The following DSCAML1 variants were observed in gnomAD, a reference collection of about 807,000 sequenced individuals.
The protein encoded by DSCAML1 is DS cell adhesion molecule like 1.
In DSCAML1, 38 loss-of-function variants were observed where a neutral mutation model predicts 200.5. That is an observed-to-expected ratio of 0.19 (90% confidence interval 0.15 to 0.25). The LOEUF (loss-of-function observed/expected upper bound fraction) is 0.25, where lower values mean the gene tolerates loss of function less well. Ranked by LOEUF, DSCAML1 falls within the 10% of genes least tolerant of loss-of-function variation. The pLI, the probability that DSCAML1 is intolerant of heterozygous loss-of-function variation, is 1.00. For missense variants in DSCAML1, 2,223 were observed against 2,858.8 expected, an observed-to-expected ratio of 0.78 and a Z score of 5.07; for synonymous variants, 1,215 against 1,165.0, an observed-to-expected ratio of 1.04 and a Z score of -0.87.
At chr11:117,626,095 T>C (rs1016309517) in intron 3 of DSCAML1, among the ~76,000 whole-genome samples, 10 of 152,180 alleles carry the variant, frequency 6.6e-5, no homozygotes, top group African/African-American at 2.2e-4. Flanking sequence ...TATCTGGAGC[T>C]GAGCTCTGGG....
intron 3 of DSCAML1, among the ~76,000 whole-genome samples, chr11:117,645,002 C>T (rs1245765581): frequency 1.3e-5 from 2 of 152,352 alleles, no homozygotes; most frequent in East Asian, 3.9e-4. Context: ...TGGGAACCCC[C>T]GGTGTGGGGC....
intron 3 of DSCAML1, among the ~76,000 whole-genome samples, chr11:117,596,387 G>GAAAAAAA (rs576749301): frequency 1.4e-5 from 2 of 138,548 alleles, no homozygotes; most frequent in Non-Finnish European, 1.6e-5. Flanking sequence ...TTCTTCTCAG[G>GAAAAAAA]AAAAAAAAAA....
chr11:117,809,895 C>A (rs868834197), intron 1 of DSCAML1, among the ~76,000 whole-genome samples: 18 of 149,316 alleles, frequency 1.2e-4, no homozygotes, highest in South Asian at 4.2e-4. Flanking sequence ...ACACACACAC[C>A]CACACACTCA....
At chr11:117,561,506 T>A (rs2050662668) in intron 3 of DSCAML1, among the ~76,000 whole-genome samples, 1 of 152,166 alleles carries the variant, frequency 6.6e-6, no homozygotes, top group Non-Finnish European at 1.5e-5. Context: ...TCCAGTCATG[T>A]CTCCAAGCAT....
chr11:117,551,470 C>T (rs530269327), intron 3 of DSCAML1, among the ~76,000 whole-genome samples: 1 of 152,294 alleles, frequency 6.6e-6, no homozygotes, highest in East Asian at 1.9e-4. Context: ...AGGTCCAGAG[C>T]TCAGCCCTCT....
rs77170212 is a variant in DSCAML1, at chr11:117,775,118, T to C, written c.511+1673A>G. Among the ~76,000 whole-genome samples the C allele has an allele frequency of 8.5e-3, 1,295 of 152,338 alleles. 9 individuals carry two copies. Among genetic ancestry groups the C allele is most frequent in the Non-Finnish European group, 0.015 (992 of 68,032 alleles). ...AGGCAGGAGATTGTCCCCAACATTA[T>C]TGGGGCTTCTCCCAGGGTATGCCAA... On this transcript the variant is annotated intron_variant, in intron 3 of 32. Coordinates refer to ENST00000651296, the MANE Select transcript of DSCAML1 (RefSeq NM_020693.4).
chr11:117,486,762 C>T (rs2049077382), intron 11 of DSCAML1, among the ~76,000 whole-genome samples: 1 of 151,940 alleles, frequency 6.6e-6, no homozygotes, highest in Non-Finnish European at 1.5e-5. Flanking sequence ...AGATGAAGAC[C>T]TGTTCTACTG....
intron 3 of DSCAML1, among the ~76,000 whole-genome samples, chr11:117,565,911 C>T (rs2050747708): frequency 6.6e-6 from 1 of 152,206 alleles, no homozygotes; most frequent in Non-Finnish European, 1.5e-5. Context: ...ACAGCAGGCT[C>T]ATTCTGAGAT....
At chr11:117,716,751 A>G (rs185034213) in intron 3 of DSCAML1, among the ~76,000 whole-genome samples, 32 of 152,332 alleles carry the variant, frequency 2.1e-4, no homozygotes, top group Non-Finnish European at 4.3e-4. Context: ...ATTTCATGAC[A>G]CATTAAAATT....
rs1284769518 is a variant in DSCAML1 at position 117,461,391 on chromosome 11, A to G, written c.3412+59T>C. 6 of 1,608,578 alleles carry G rather than the reference A, an allele frequency of 3.7e-6. No individual in the cohort carries two copies. The Admixed American group carries it at 8.4e-5, about 22-fold the overall frequency. ...CTCAGCTCTAACTACGCCTGGAAGC[A>G]GACTCCACTGACCTGCGCCTCTCCC... On this transcript the variant is annotated intron_variant, in intron 18 of 32. Coordinates refer to ENST00000651296, the MANE Select transcript of DSCAML1 (RefSeq NM_020693.4).
In DSCAML1 at chr11:117,518,533, GC is replaced by G; in HGVS notation, c.1442del (p.Gly481AlafsTer20). The G allele has an allele frequency of 6.2e-7, 1 of 1,614,150 alleles. No homozygotes were observed. Among genetic ancestry groups the G allele is most frequent in the Non-Finnish European group, 8.5e-7 (1 of 1,180,036 alleles). On this transcript the variant is annotated frameshift_variant, in exon 7 of 33. Coordinates refer to ENST00000651296, the MANE Select transcript of DSCAML1 (RefSeq NM_020693.4). LOFTEE classifies it high-confidence loss of function. This position sits in a 1 kb window ranked among gnomAD's most constrained non-coding sequence, Gnocchi z 6.3. ...NVTGPQIRDG[G>X]VYRCTARNLV... ...AGTTCCGCGCTGTGCACCGGTACAC[GC>G]CCCCGTCGCGGATCTGGGGGCCTGT...
In DSCAML1 at chr11:117,667,402, C is replaced by T. The variant is rs562886710; in HGVS notation, c.511+109389G>A. 5.6e-4 allele frequency among the ~76,000 whole-genome samples: 85 copies of T among 152,256 alleles called. No individual in the cohort carries two copies. In the South Asian group the frequency reaches 0.015, roughly 27 times the overall value. On this transcript the variant is annotated intron_variant, in intron 3 of 32. Coordinates refer to ENST00000651296, the MANE Select transcript of DSCAML1 (RefSeq NM_020693.4). The stretch of plus-strand genomic sequence containing the variant: ...ACTCCAGCCTGGGTGACAGAGACTC[C>T]GTCTCATAAAAAGTAAATAAATAAG...
rs1418595488 is a variant in DSCAML1 at position 117,518,659 on chromosome 11, G to T, written c.1317C>A (p.Val439=). 6.2e-7 allele frequency: 1 copy of T among 1,613,432 alleles called. No homozygotes were observed. Among genetic ancestry groups the T allele is most frequent in the Admixed American group, 1.7e-5 (1 of 60,002 alleles). The change falls in exon 7 of 33, where the codon GTC becomes GTA. Residue 439 remains valine (V), a synonymous_variant. Transcript: ENST00000651296. The surrounding 1 kb of genome is among the most constrained non-coding windows in gnomAD (Gnocchi z 6.3). ...CAAKGAPPPT[V]TWALDDEPIV... is the part of the protein sequence containing the mutation. Reference sequence around the variant, plus strand: ...TGGGCTCATCGTCGAGGGCCCAGGTGACCGTGGGGGGCGGGGCGCCCTTGG... The same window carrying T: ...TGGGCTCATCGTCGAGGGCCCAGGTTACCGTGGGGGGCGGGGCGCCCTTGG...
intron 19 of DSCAML1, among the ~76,000 whole-genome samples, chr11:117,458,448 A>G (rs2048416484): frequency 6.6e-6 from 1 of 152,188 alleles, no homozygotes; most frequent in African/African-American, 2.4e-5. Flanking sequence ...GCAGGGGAGC[A>G]GATGCCACAG....
Position 117,505,358 on chromosome 11 carries a change from C to A in DSCAML1, c.2062+96G>T. 1 of 1,502,492 alleles carries A rather than the reference C, an allele frequency of 6.7e-7. No individual in the cohort carries two copies. The allele number at this position is 1,502,492 out of a possible 1,614,324, so 93.1% of individuals were successfully genotyped here. ...CTTCAAGATGCTGGAGCCCACCTTC[C>A]ATGAGCCCGTGATTGGAACTGGAAA... On this transcript the variant is annotated intron_variant, in intron 9 of 32. Transcript: ENST00000651296. The surrounding 1 kb of genome is among the most constrained non-coding windows in gnomAD (Gnocchi z 6.7).
chr11:117,678,142 C>T (rs1269008770), intron 3 of DSCAML1, among the ~76,000 whole-genome samples: 3 of 152,192 alleles, frequency 2.0e-5, no homozygotes, highest in African/African-American at 7.2e-5. Flanking sequence ...CAGCTGCAGC[C>T]GCTAAGTACA....
At chr11:117,741,384 T>C (rs73016417) in intron 3 of DSCAML1, among the ~76,000 whole-genome samples, 4,608 of 152,336 alleles carry the variant, frequency 0.03, 100 homozygotes, top group Non-Finnish European at 0.049. Flanking sequence ...GAGCCAGAGG[T>C]TAAAGACAAT....
chr11:117,445,413 C>T (rs775741199), intron 20 of DSCAML1, among the ~76,000 whole-genome samples: 1 of 152,178 alleles, frequency 6.6e-6, no homozygotes, highest in Non-Finnish European at 1.5e-5. Context: ...GACTGGTGTG[C>T]GTATCTGTCG....
chr11:117,644,018 G>A (rs547084385), intron 3 of DSCAML1, among the ~76,000 whole-genome samples: 22 of 152,324 alleles, frequency 1.4e-4, no homozygotes, highest in Middle Eastern at 3.4e-3. Flanking sequence ...CGGGGAAGAG[G>A]CTGGCAGGTC....
Sources: allele counts gnomAD v4.1 joint callset (sites outside exome capture counted in the v4.1 genomes callset), GRCh38; gene constraint gnomAD v4.1.1; non-coding constraint Gnocchi (gnomAD v3.1); transcripts MANE v1.5; gene names NCBI Gene and HGNC (gene_info 2026-07-23, HGNC 2026-07-21).